Variants in PGBD1 observed in about 807,000 individuals in gnomAD.
PGBD1 encodes the protein piggyBac transposable element derived 1, also known as piggyBac transposable element-derived protein 1.
In PGBD1, 25 loss-of-function variants were observed where a neutral mutation model predicts 34.7. The ratio of observed to expected loss-of-function variants is 0.72; its 90% CI spans 0.52 to 1.00. PGBD1 has a LOEUF of 1.00. PGBD1 is among the 50% of genes least tolerant of loss of function. The probability of loss-of-function intolerance (pLI) is 0.00; values close to 1 mark genes in which losing one functional copy is unlikely to be tolerated. For synonymous variants in PGBD1, 292 were observed against 335.7 expected (o/e 0.87, Z 1.42); for missense variants, 830 against 959.4 (o/e 0.87, Z 1.78).
Position 28,302,200 on chromosome 6 carries a change from C to A in PGBD1, c.2346C>A (p.Asn782Lys). Residue 782 changes from asparagine (N) to lysine (K), a missense_variant, in exon 7 of 7, where the codon AAC (asparagine) becomes AAA (lysine). By Grantham distance (94) the Asn-to-Lys change is moderately conservative. Transcript: ENST00000682144. Reference sequence around the variant, plus strand: ...CATGGCAACTACACAGAGCCTGTAACCCAGGTGCTTCTCTAGACCCCTTGG... The same window carrying A: ...CATGGCAACTACACAGAGCCTGTAAACCAGGTGCTTCTCTAGACCCCTTGG... ...NNAWQLHRAC[N>K]PGASLDPLDF... 1 of 1,614,130 alleles carries A rather than the reference C, an allele frequency of 6.2e-7. No individual in the cohort carries two copies. The highest frequency in any genetic ancestry group is 8.5e-7 in the Non-Finnish European group (1 of 1,180,018).
rs746020168 is a variant in PGBD1 at position 28,296,997 on chromosome 6, A to G, written c.772+52A>G. 34 of 1,607,582 alleles carry G rather than the reference A, an allele frequency of 2.1e-5. No individual in the cohort carries two copies. In the South Asian group the frequency reaches 3.4e-4, roughly 16 times the overall value. On this transcript the variant is annotated intron_variant, in intron 5 of 6. Coordinates refer to ENST00000682144, the MANE Select transcript of PGBD1 (RefSeq NM_032507.4). ...CTGTCTGGACTCTCATTTTCCTGTC[A>G]CTCACCCTGGCTTGGCCCTTGGGAG... is the stretch of plus-strand genomic sequence containing the variant.
At chr6:28,291,550 C>CAAAAAAAAAAAAAAAAAA (rs56160771) in intron 4 of PGBD1, among the ~76,000 whole-genome samples, 1 of 120,620 alleles carries the variant, frequency 8.3e-6, no homozygotes, top group Non-Finnish European at 1.9e-5. Context: ...TCAAATTCTT[C>CAAAAAAAAAAAAAAAAAA]AAAAAAAAAA....
rs955555455 is a variant in PGBD1 at position 28,294,090 on chromosome 6, A to G, written c.643-2726A>G. The stretch of plus-strand genomic sequence containing the variant: ...TGAAAAGTGCTACTCTGGTGAACAT[A>G]TGAATGATAAGAAAGCAAAAAGCTT... On this transcript the variant is annotated intron_variant, in intron 4 of 6. Transcript: ENST00000682144. Among the ~76,000 whole-genome samples the G allele has an allele frequency of 3.3e-5, 5 of 152,242 alleles. No individual in the cohort carries two copies. The East Asian group carries it at 7.7e-4, about 23-fold the overall frequency.
rs1392700863 is a variant in PGBD1 at position 28,301,439 on chromosome 6, A to G, written c.1585A>G (p.Met529Val). 2 of 1,613,862 alleles carry G rather than the reference A, an allele frequency of 1.2e-6. No homozygotes were observed. The highest frequency in any genetic ancestry group is 1.1e-5 in the South Asian group (1 of 91,094). ...AAAGTTGAGACCTCTCATAAAACAA[A>G]TGAATAAAAATTTCCTCTTGTATGC... The part of the protein sequence containing the change: ...FTKLRPLIKQ[M>V]NKNFLLYAPL... Residue 529 changes from methionine (M) to valine (V), a missense_variant, in exon 7 of 7, where the codon ATG becomes GTG. Met to Val is a conservative substitution (Grantham distance 21). Around this residue, in one of 3 missense-constraint regions of PGBD1, gnomAD observed 372 missense variants for 427.9 expected, o/e 0.87. Transcript: ENST00000682144.
chr6:28,287,037 G>T, intron 3 of PGBD1, 43 bp from the exon 4 acceptor site: 1 of 1,487,696 alleles, frequency 6.7e-7, no homozygotes, highest in African/African-American at 1.4e-5. Context: ...TACCCTAAAG[G>T]CCATCATGTC....
chr6:28,282,553 A>G (rs1762161185), intron 1 of PGBD1, among the ~76,000 whole-genome samples: 1 of 152,218 alleles, frequency 6.6e-6, no homozygotes, highest in African/African-American at 2.4e-5. Context: ...GAATGAAAAT[A>G]ATAGTAAAAT....
intron 3 of PGBD1, among the ~76,000 whole-genome samples, chr6:28,286,044 C>A (rs373579813): frequency 1.4e-4 from 21 of 152,216 alleles, no homozygotes; most frequent in South Asian, 1.0e-3. Context: ...TTGTAAAGAC[C>A]TGCTTTATTT....
chr6:28,295,464 A>G (rs781760134), intron 4 of PGBD1, among the ~76,000 whole-genome samples: 1 of 152,184 alleles, frequency 6.6e-6, no homozygotes, highest in Non-Finnish European at 1.5e-5. Context: ...GGAAGAGTCA[A>G]TCAAGGTGGC....
chr6:28,291,028 T>TA (rs1232374092), intron 4 of PGBD1, among the ~76,000 whole-genome samples: 5 of 145,056 alleles, frequency 3.4e-5, no homozygotes, highest in South Asian at 2.1e-4. Context: ...AACCTAATGA[T>TA]ACACCTCAAG....
In PGBD1 at chr6:28,287,187, C is replaced by G; in HGVS notation, c.642+19C>G. 1 of 1,571,070 alleles carries G rather than the reference C, an allele frequency of 6.4e-7. No individual in the cohort carries two copies. Among genetic ancestry groups the G allele is most frequent in the Non-Finnish European group, 8.8e-7 (1 of 1,140,780 alleles). On this transcript the variant is annotated intron_variant, in intron 4 of 6. Transcript: ENST00000682144. ...GTCCCAGGTAAGTAGGATGCCCAAG[C>G]TTGTAGGAATATCAGTAGTGGTCTT...
Position 28,300,934 on chromosome 6 carries a change from T to C in PGBD1, c.1080T>C (p.Ser360=), listed in dbSNP as rs1762817062. The part of the protein sequence containing the change: ...VSELLQGLSF[S]GDSDVEKDNE... ...AACTGCTCCAAGGCCTCTCATTCTC[T>C]GGTGACTCAGATGTGGAAAAAGATA... The change falls in exon 7 of 7, where the codon TCT becomes TCC. Residue 360 remains serine (S), a synonymous_variant. Coordinates refer to ENST00000682144, the MANE Select transcript of PGBD1 (RefSeq NM_032507.4). The surrounding 1 kb of genome is among the most constrained non-coding windows in gnomAD (Gnocchi z 4.0). 1 of 1,614,120 alleles carries C rather than the reference T, an allele frequency of 6.2e-7. No individual in the cohort carries two copies. Among genetic ancestry groups the C allele is most frequent in the South Asian group, 1.1e-5 (1 of 91,080 alleles).
intron 3 of PGBD1, among the ~76,000 whole-genome samples, chr6:28,286,209 T>C (rs1000448868): frequency 6.6e-6 from 1 of 152,174 alleles, no homozygotes; most frequent in Non-Finnish European, 1.5e-5. Flanking sequence ...TCCATAGTGA[T>C]CCATTATGGA....
rs1936365 is a variant in PGBD1 at position 28,300,675 on chromosome 6, G to C, written c.870-49G>C. ...GCTTCAGCAGATTTATCATGTGTGA[G>C]AGAATATGATTGAGGATTTTTATAA... is the stretch of plus-strand genomic sequence containing the variant. On this transcript the variant is annotated intron_variant, in intron 6 of 6. Coordinates refer to ENST00000682144, the MANE Select transcript of PGBD1 (RefSeq NM_032507.4). This position sits in a 1 kb window ranked among gnomAD's most constrained non-coding sequence, Gnocchi z 4.0. 240,676 of 1,547,926 alleles carry C rather than the reference G, an allele frequency of 0.16. 21,313 individuals are homozygous for C. Among genetic ancestry groups the C allele is most frequent in the African/African-American group, 0.36 (25,818 of 72,448 alleles).
In PGBD1 at chr6:28,302,502, T is replaced by C; in HGVS notation, c.*218T>C. The stretch of plus-strand genomic sequence containing the variant: ...TGTTGAACTGTAGTACCTTTCTCTA[T>C]GTCAAGTTTTGTGTCAGACATGGGA... On this transcript the variant is annotated 3_prime_UTR_variant, in exon 7 of 7. Transcript: ENST00000682144. 1 of 481,826 alleles carries C rather than the reference T, an allele frequency of 2.1e-6. No individual in the cohort carries two copies. The highest frequency in any genetic ancestry group is 3.6e-6 in the Non-Finnish European group (1 of 279,702). 29.8% of individuals were successfully genotyped at this position (481,826 alleles called of 1,614,324 possible).
Position 28,301,500 on chromosome 6 carries a change from T to A in PGBD1, c.1646T>A (p.Met549Lys), listed in dbSNP as rs748229462. Residue 549 changes from methionine (M) to lysine (K), a missense_variant, in exon 7 of 7, where the codon ATG becomes AAG. Met to Lys is a moderately conservative substitution (Grantham distance 95). Coordinates refer to ENST00000682144, the MANE Select transcript of PGBD1 (RefSeq NM_032507.4). ...LEEYYCFDKS[M>K]CECFDSDQFL... ...GAATACTATTGCTTTGATAAGTCAA[T>A]GTGTGAATGCTTTGATAGTGACCAA... The A allele has an allele frequency of 4.3e-6, 7 of 1,613,958 alleles. No homozygotes were observed. Among genetic ancestry groups the A allele is most frequent in the Admixed American group, 1.7e-5 (1 of 60,012 alleles).
chr6:28,285,439 C>G, intron 2 of PGBD1, 112 bp from the exon 3 acceptor site: 1 of 1,161,824 alleles, frequency 8.6e-7, no homozygotes, highest in Non-Finnish European at 1.2e-6. Context: ...GATCCTTTGC[C>G]TGTCTTTTCT....
intron 2 of PGBD1, among the ~76,000 whole-genome samples, chr6:28,284,431 C>CA (rs1762226012): frequency 6.6e-6 from 1 of 151,996 alleles, no homozygotes; most frequent in East Asian, 1.9e-4. Context: ...TTCCCCCCCC[C>CA]CAAGATGCAT....
chr6:28,300,650 G>A lies in PGBD1; in HGVS notation c.870-74G>A. 2.9e-6 allele frequency: 4 copies of A among 1,373,092 alleles called. No homozygotes were observed. The highest frequency in any genetic ancestry group is 4.0e-6 in the Non-Finnish European group (4 of 1,009,676). 85.1% of individuals were successfully genotyped at this position (1,373,092 alleles called of 1,614,324 possible). A position where few individuals can be genotyped will look rare whatever the true frequency, so the allele number is the denominator to read the frequency against. ...CCACCCCAAGCCCCAAAAGATTTAA[G>A]CTTCAGCAGATTTATCATGTGTGAG... On this transcript the variant is annotated intron_variant, in intron 6 of 6. Transcript: ENST00000682144. The surrounding 1 kb of genome is among the most constrained non-coding windows in gnomAD (Gnocchi z 4.0).
chr6:28,299,784 C>T (rs138538481), intron 6 of PGBD1, among the ~76,000 whole-genome samples: 2,797 of 152,076 alleles, frequency 0.018, 101 homozygotes, highest in African/African-American at 0.062. Context: ...GAGTGGATCA[C>T]GAGGTCAGGA....
Sources: allele counts gnomAD v4.1 joint callset (sites outside exome capture counted in the v4.1 genomes callset), GRCh38; gene constraint gnomAD v4.1.1; regional missense constraint gnomAD v4.1.1; non-coding constraint Gnocchi (gnomAD v3.1); transcripts MANE v1.5; gene names NCBI Gene and HGNC (gene_info 2026-07-23, HGNC 2026-07-21).